HTT: variants seen among roughly 807,000 people sequenced by gnomAD.
HTT encodes huntingtin.
Under a neutral mutation model 362.3 loss-of-function variants are expected in HTT, and 104 were observed. That is an observed-to-expected ratio of 0.29 (90% CI 0.24 to 0.34). The LOEUF (loss-of-function observed/expected upper bound fraction) is 0.34, where lower values mean the gene tolerates loss of function less well. Among genes scored for constraint, HTT ranks in the 10% least tolerant of loss-of-function variants. The pLI is 1.00. For synonymous variants in HTT, 1,577 were observed against 1,548.7 expected (o/e 1.02, Z -0.43); for missense variants, 3,301 against 3,928.6 (o/e 0.84, Z 4.27).
intron 21 of HTT, among the ~76,000 whole-genome samples, chr4:3,138,648 A>T (rs892593027): frequency 6.6e-6 from 1 of 152,138 alleles, no homozygotes; most frequent in Non-Finnish European, 1.5e-5. Context: ...GTCTCATTCT[A>T]TGATGCCCAG....
intron 40 of HTT, among the ~76,000 whole-genome samples, chr4:3,195,058 C>G (rs1221568582): frequency 6.6e-6 from 1 of 152,180 alleles, no homozygotes; most frequent in Non-Finnish European, 1.5e-5. Flanking sequence ...TCTTGCCCAT[C>G]GATCTTTCTC....
rs768095485 is a variant in HTT, at chr4:3,142,837, T to C, written c.3017T>C (p.Ile1006Thr). 1.9e-6 allele frequency: 3 copies of C among 1,608,916 alleles called. No individual in the cohort carries two copies. Among genetic ancestry groups the C allele is most frequent in the Admixed American group, 3.3e-5 (2 of 59,992 alleles). Residue 1006 changes from isoleucine to threonine, a missense_variant, in exon 23 of 67, where the codon ATT becomes ACT. This residue lies in a region of HTT where 2,316 missense variants were observed against 2,658.5 expected (regional missense o/e 0.87). Coordinates refer to ENST00000355072, the MANE Select transcript of HTT (RefSeq NM_001388492.1). ...VTMENNLSRV[I>T]AAVSHELITS... ...ATGGAAAATAACCTTTCAAGAGTTATTGCAGCAGTTTCTCATGAACTAATC... is the reference window on the plus strand; with the variant it reads ...ATGGAAAATAACCTTTCAAGAGTTACTGCAGCAGTTTCTCATGAACTAATC...
In HTT at chr4:3,086,882, A is replaced by G; in HGVS notation, c.264-57A>G. On this transcript the variant is annotated intron_variant, in intron 1 of 66. Coordinates refer to ENST00000355072, the MANE Select transcript of HTT (RefSeq NM_001388492.1). The stretch of plus-strand genomic sequence containing the variant: ...ACTGAATGAATGAATGAGGTGTAGA[A>G]CTAAGTGGAGTGGGTAATTCAACAC... 2 of 901,338 alleles carry G rather than the reference A, an allele frequency of 2.2e-6. 1 individual carries two copies. The highest frequency in any genetic ancestry group is 3.7e-5 in the Admixed American group (2 of 53,718). 55.8% of individuals were successfully genotyped at this position (901,338 alleles called of 1,614,324 possible).
chr4:3,132,760 C>G (rs1290784302), intron 17 of HTT, 40 bp downstream of exon 17: 1 of 1,612,912 alleles, frequency 6.2e-7, no homozygotes. Flanking sequence ...TCTAGTTATG[C>G]TTACTAAGGT....
intron 29 of HTT, among the ~76,000 whole-genome samples, chr4:3,165,251 A>G (rs567508883): frequency 1.3e-5 from 2 of 152,028 alleles, no homozygotes; most frequent in African/African-American, 4.8e-5. Context: ...ATTGGCTCCC[A>G]CTCTTTTCTG....
chr4:3,167,363 G>A (rs924176982), intron 29 of HTT, among the ~76,000 whole-genome samples: 7 of 152,074 alleles, frequency 4.6e-5, no homozygotes, highest in East Asian at 1.9e-4. Flanking sequence ...CAGCCACCAC[G>A]CCCAGCCATA....
chr4:3,107,333 A>G lies in HTT; in HGVS notation c.657A>G (p.Arg219=), dbSNP rs974346863. The change falls in exon 6 of 67, where the codon AGA becomes AGG. Residue 219 remains arginine (R), a synonymous_variant. Coordinates refer to ENST00000355072, the MANE Select transcript of HTT (RefSeq NM_001388492.1). Reference sequence around the variant, plus strand: ...CGTGCCTGACTCGAACAAGCAAGAGACCCGAAGAATCAGTCCAGGAGACCT... The same window carrying G: ...CGTGCCTGACTCGAACAAGCAAGAGGCCCGAAGAATCAGTCCAGGAGACCT... The part of the protein sequence containing the change: ...LLPCLTRTSK[R]PEESVQETLA... The G allele has an allele frequency of 1.8e-5, 29 of 1,614,064 alleles. No individual in the cohort carries two copies. Among genetic ancestry groups the G allele is most frequent in the Non-Finnish European group, 2.2e-5 (26 of 1,180,030 alleles).
chr4:3,147,099 ATGC>A, intron 25 of HTT, 151 bp downstream of exon 25: 1 of 788,878 alleles, frequency 1.3e-6, no homozygotes, highest in Non-Finnish European at 2.2e-6. Context: ...TGTTACCTAT[ATGC>A]ATAAACACAT....
chr4:3,121,487 C>G, intron 9 of HTT, 55 bp downstream of exon 9: 1 of 1,222,516 alleles, frequency 8.2e-7, no homozygotes, highest in Non-Finnish European at 1.2e-6. Flanking sequence ...ATACTAGTTA[C>G]ACTCTATTGA....
At chr4:3,107,557 A>G (rs942411978) in intron 6 of HTT, 134 bp downstream of exon 6, 35 of 800,226 alleles carry the variant, frequency 4.4e-5, no homozygotes, top group Admixed American at 7.7e-5. Context: ...TTAGACTACC[A>G]TCATTTGTGT....
intron 1 of HTT, 91 bp from the exon 2 acceptor site, chr4:3,086,848 G>GAA: frequency 1.4e-6 from 1 of 712,002 alleles, no homozygotes; most frequent in East Asian, 2.7e-5. Flanking sequence ...TAGTAGTCGA[G>GAA]AAACACTCAC....
intron 60 of HTT, among the ~76,000 whole-genome samples, chr4:3,232,820 G>A (rs771168820): frequency 1.3e-5 from 2 of 152,218 alleles, no homozygotes; most frequent in Admixed American, 6.5e-5. Flanking sequence ...CTAGAGACTC[G>A]GTGCCAGGGT....
At chr4:3,163,801 T>G (rs1213858002) in intron 29 of HTT, among the ~76,000 whole-genome samples, 1 of 152,194 alleles carries the variant, frequency 6.6e-6, no homozygotes, top group African/African-American at 2.4e-5. Context: ...TCTATTTGAT[T>G]CTTCTCTCTT....
Position 3,206,953 on chromosome 4 carries a change from G to A in HTT, c.6045G>A (p.Arg2015=), listed in dbSNP as rs1037283149. 1.9e-6 allele frequency: 3 copies of A among 1,611,950 alleles called. No individual in the cohort carries two copies. The highest frequency in any genetic ancestry group is 1.1e-5 in the South Asian group (1 of 90,532). The change falls in exon 44 of 67, where the codon CGG becomes CGA. Residue 2015 remains arginine, a synonymous_variant. Coordinates refer to ENST00000355072, the MANE Select transcript of HTT (RefSeq NM_001388492.1). This position sits in a 1 kb window ranked among gnomAD's most constrained non-coding sequence, Gnocchi z 4.6. ...TGGTCGACATCCTTGCTTGTCGCCGGGTAGAAATGCTTCTGGCTGCAAATT... is the reference window on the plus strand; with the variant it reads ...TGGTCGACATCCTTGCTTGTCGCCGAGTAGAAATGCTTCTGGCTGCAAATT... ...ARMVDILACR[R]VEMLLAANLQ...
Position 3,212,656 on chromosome 4 carries a change from C to T in HTT, c.6721C>T (p.Leu2241Phe), listed in dbSNP as rs1465413621. ...VVSKLPSHLH[L>F]PPEKEKDIVK... ...CTCCAAACTGCCCAGTCATTTGCAC[C>T]TTCCTCCTGAGAAAGAGAAGGACAT... The change falls in exon 49 of 67, where the codon CTT becomes TTT. Residue 2241 changes from leucine to phenylalanine, a missense_variant. Transcript: ENST00000355072. The T allele has an allele frequency of 5.6e-6, 9 of 1,614,226 alleles. No homozygotes were observed. The highest frequency in any genetic ancestry group is 7.6e-6 in the Non-Finnish European group (9 of 1,180,046).
intron 6 of HTT, among the ~76,000 whole-genome samples, chr4:3,109,814 G>A (rs537809809): frequency 2.0e-5 from 3 of 152,192 alleles, no homozygotes; most frequent in Admixed American, 6.5e-5. Flanking sequence ...CTCAGCACCC[G>A]GGGATCTGCT....
At chr4:3,117,032 A>T (rs1207214884) in intron 8 of HTT, among the ~76,000 whole-genome samples, 1 of 152,234 alleles carries the variant, frequency 6.6e-6, no homozygotes, top group African/African-American at 2.4e-5. Context: ...AATGCTAATA[A>T]TTTAAGCACT....
At chr4:3,194,614 G>T (rs773505180) in intron 40 of HTT, among the ~76,000 whole-genome samples, 15 of 152,200 alleles carry the variant, frequency 9.9e-5, no homozygotes, top group Non-Finnish European at 1.9e-4. Flanking sequence ...CCCAGTCAGG[G>T]TGGCAGGAGC....
At chr4:3,131,233 C>T (rs1715798142) in intron 14 of HTT, 53 bp from the exon 15 acceptor site, 1 of 1,263,428 alleles carries the variant, frequency 7.9e-7, no homozygotes, top group African/African-American at 1.5e-5. Flanking sequence ...TGAACTAATG[C>T]ATGAATGTAT....
Sources: allele counts gnomAD v4.1 joint callset (sites outside exome capture counted in the v4.1 genomes callset), GRCh38; gene constraint gnomAD v4.1.1; regional missense constraint gnomAD v4.1.1; non-coding constraint Gnocchi (gnomAD v3.1); transcripts MANE v1.5; gene names NCBI Gene and HGNC (gene_info 2026-07-23, HGNC 2026-07-21).